KIFC3: variants seen among roughly 807,000 people sequenced by gnomAD.
The protein encoded by KIFC3 is kinesin-like protein KIFC3.
In KIFC3, 60 loss-of-function variants were observed where a neutral mutation model predicts 101.8. The ratio of observed to expected loss-of-function variants is 0.59; its 90% CI spans 0.48 to 0.73. The LOEUF is 0.73. Among genes scored for constraint, KIFC3 ranks in the 30% least tolerant of loss-of-function variants. The probability of loss-of-function intolerance (pLI) is 0.00; values close to 1 mark genes in which losing one functional copy is unlikely to be tolerated. For synonymous variants in KIFC3, 476 were observed against 482.7 expected, an observed-to-expected ratio of 0.99 and a Z score of 0.18; for missense variants, 966 against 1,137.1, an observed-to-expected ratio of 0.85 and a Z score of 2.16.
At chr16:57,830,725 T>G (rs1039838819) in intron 1 of KIFC3, 1 of 152,218 alleles carries the variant, frequency 6.6e-6, no homozygotes, top group Non-Finnish European at 1.5e-5. Context: ...AATAAAATGC[T>G]TTCTTCTATA....
At chr16:57,776,403 C>A in intron 3 of KIFC3, 1 of 984,692 alleles carries the variant, frequency 1.0e-6, no homozygotes, top group Non-Finnish European at 1.2e-6. Context: ...TGGGTCCTTC[C>A]GCCACTGATG....
chr16:57,839,721 A>G (rs1452506734), intron 1 of KIFC3, among the ~76,000 whole-genome samples: 3 of 152,106 alleles, frequency 2.0e-5, no homozygotes, highest in African/African-American at 7.2e-5. Flanking sequence ...ATTTTGGCTA[A>G]CATTATTATT....
chr16:57,840,917 G>C (rs950958226), intron 1 of KIFC3, among the ~76,000 whole-genome samples: 2 of 152,306 alleles, frequency 1.3e-5, no homozygotes, highest in East Asian at 3.9e-4. Context: ...CTCACCAGCA[G>C]ATACTAGGCT....
chr16:57,765,299 C>G (rs1354492636), intron 11 of KIFC3, among the ~76,000 whole-genome samples, 160 bp downstream of exon 11: 4 of 152,142 alleles, frequency 2.6e-5, no homozygotes, highest in Non-Finnish European at 5.9e-5. Flanking sequence ...TTCCCACCCT[C>G]TTCTGTCCTC....
At chr16:57,774,931 TC>T in intron 3 of KIFC3, 1 of 1,480,658 alleles carries the variant, frequency 6.8e-7, no homozygotes, top group Non-Finnish European at 8.9e-7. Flanking sequence ...CCACGCCCCC[TC>T]CCTCCCCAGA....
chr16:57,762,220 G>C lies in KIFC3; in HGVS notation c.1668C>G (p.Phe556Leu). The change falls in exon 13 of 20, where the codon TTC becomes TTG. Residue 556 changes from phenylalanine to leucine, a missense_variant. Phe to Leu is a conservative substitution (Grantham distance 22). Around this residue, in one of 2 missense-constraint regions of KIFC3, gnomAD observed 689 missense variants for 884.6 expected, o/e 0.78. Coordinates refer to ENST00000445690, the MANE Select transcript of KIFC3 (RefSeq NM_001130100.2). Reference sequence around the variant, plus strand: ...CAGACGCCTTCTCCTGCACCTCGGAGAAGAGCAGCTGCAGGGCCCGCTGGT... The same window carrying C: ...CAGACGCCTTCTCCTGCACCTCGGACAAGAGCAGCTGCAGGGCCCGCTGGT... ...GINQRALQLL[F>L]SEVQEKASDW... 1 of 1,607,534 alleles carries C rather than the reference G, an allele frequency of 6.2e-7. No individual in the cohort carries two copies. The highest frequency in any genetic ancestry group is 1.1e-5 in the South Asian group (1 of 90,442).
intron 1 of KIFC3, among the ~76,000 whole-genome samples, chr16:57,857,288 G>A (rs1392791867): frequency 6.6e-6 from 1 of 152,004 alleles, no homozygotes; most frequent in Non-Finnish European, 1.5e-5. Flanking sequence ...CCTTAGCACA[G>A]CCTGTTTCCA....
intron 3 of KIFC3, among the ~76,000 whole-genome samples, chr16:57,772,896 GA>G (rs1233641287): frequency 1.3e-5 from 2 of 152,200 alleles, no homozygotes; most frequent in Non-Finnish European, 1.5e-5. Context: ...CTTATAGGGG[GA>G]AGGGGGTGTG....
intron 1 of KIFC3, among the ~76,000 whole-genome samples, chr16:57,839,595 C>T (rs2055762175): frequency 6.6e-6 from 1 of 151,966 alleles, no homozygotes; most frequent in Non-Finnish European, 1.5e-5. Flanking sequence ...AACTGAAACA[C>T]CCCCTCAAAA....
intron 1 of KIFC3, among the ~76,000 whole-genome samples, chr16:57,832,968 G>A (rs2055614902): frequency 6.6e-6 from 1 of 152,122 alleles, no homozygotes; most frequent in African/African-American, 2.4e-5. Flanking sequence ...AGCACTTTGG[G>A]AGGCTGAAGC....
intron 1 of KIFC3, among the ~76,000 whole-genome samples, chr16:57,856,557 G>A (rs1416317135): frequency 4.6e-5 from 7 of 151,802 alleles, no homozygotes; most frequent in African/African-American, 1.7e-4. Context: ...AAGAAAAAAA[G>A]AAAGAAAGAA....
At position 57,769,834 on chromosome 16, in the gene KIFC3, A is replaced by C; in HGVS notation, c.1061T>G (p.Met354Arg). 6.2e-7 allele frequency: 1 copy of C among 1,613,562 alleles called. No individual in the cohort carries two copies. The highest frequency in any genetic ancestry group is 8.5e-7 in the Non-Finnish European group (1 of 1,180,006). ...EEAFARAQVE[M>R]KAVHENLAGV... ...TGCTAGATTCTCGTGCACAGCCTTCATCTCCACCTGGGCTCTGGCAAAGGC... is the reference window on the plus strand; with the variant it reads ...TGCTAGATTCTCGTGCACAGCCTTCCTCTCCACCTGGGCTCTGGCAAAGGC... Residue 354 changes from methionine to arginine, a missense_variant, in exon 8 of 20, where the codon ATG (methionine) becomes AGG (arginine). By Grantham distance (91) the Met-to-Arg change is moderately conservative. Coordinates refer to ENST00000445690, the MANE Select transcript of KIFC3 (RefSeq NM_001130100.2). This position sits in a 1 kb window ranked among gnomAD's most constrained non-coding sequence, Gnocchi z 4.3.
intron 9 of KIFC3, among the ~76,000 whole-genome samples, chr16:57,767,673 T>C (rs1189114612): frequency 6.6e-6 from 1 of 152,108 alleles, no homozygotes; most frequent in Non-Finnish European, 1.5e-5. Context: ...CTTGCTCTGT[T>C]GCCCAGGCTG....
At chr16:57,791,401 A>G (rs1555620308) in intron 3 of KIFC3, among the ~76,000 whole-genome samples, 1 of 152,234 alleles carries the variant, frequency 6.6e-6, no homozygotes, top group East Asian at 1.9e-4. Flanking sequence ...GCCAAGCCAC[A>G]GGAAGGACAG....
chr16:57,861,589 C>T (rs1028947153), intron 1 of KIFC3, among the ~76,000 whole-genome samples: 1 of 152,128 alleles, frequency 6.6e-6, no homozygotes, highest in African/African-American at 2.4e-5. Flanking sequence ...TCCACTTTCC[C>T]AGGGGTCGAT....
intron 4 of KIFC3, 55 bp downstream of exon 4, chr16:57,772,167 AT>A (rs1195682070): frequency 6.6e-7 from 1 of 1,512,094 alleles, no homozygotes; most frequent in Non-Finnish European, 9.1e-7. Context: ...GGCAGGGCCC[AT>A]CTGCACAAGG....
At chr16:57,819,398 A>G (rs141194322) in intron 1 of KIFC3, among the ~76,000 whole-genome samples, 1 of 152,260 alleles carries the variant, frequency 6.6e-6, no homozygotes, top group Non-Finnish European at 1.5e-5. Context: ...TGAGCCTAAG[A>G]GTGGGGTACA....
intron 1 of KIFC3, among the ~76,000 whole-genome samples, chr16:57,809,428 G>A (rs911836216): frequency 2.1e-4 from 32 of 152,300 alleles, no homozygotes; most frequent in African/African-American, 7.2e-4. Context: ...CCCGTGTACT[G>A]GAACTACAGC....
At chr16:57,771,799 A>C in intron 4 of KIFC3, 113 bp from the exon 5 acceptor site, 1 of 1,294,364 alleles carries the variant, frequency 7.7e-7, no homozygotes, top group Non-Finnish European at 1.0e-6. Flanking sequence ...GGTGTGGAGA[A>C]AGGCAGAGGG....
Sources: allele counts gnomAD v4.1 joint callset (sites outside exome capture counted in the v4.1 genomes callset), GRCh38; gene constraint gnomAD v4.1.1; regional missense constraint gnomAD v4.1.1; non-coding constraint Gnocchi (gnomAD v3.1); transcripts MANE v1.5; gene names NCBI Gene and HGNC (gene_info 2026-07-23, HGNC 2026-07-21).